Variants in POLR3G observed in about 807,000 individuals in gnomAD.
POLR3G encodes the protein RNA polymerase III subunit G.
Under a neutral mutation model 30.1 loss-of-function variants are expected in POLR3G, and 28 were observed. The observed-to-expected ratio is 0.93, with a 90% confidence interval of 0.69 to 1.27. The LOEUF (loss-of-function observed/expected upper bound fraction) is 1.27, where lower values mean the gene tolerates loss of function less well. POLR3G is among the 50% of genes most tolerant of loss of function. The probability of loss-of-function intolerance (pLI) is 0.00; values close to 1 mark genes in which losing one functional copy is unlikely to be tolerated. For missense variants in POLR3G, 254 were observed against 264.6 expected, an observed-to-expected ratio of 0.96 and a Z score of 0.28; for synonymous variants, 79 against 82.5, an observed-to-expected ratio of 0.96 and a Z score of 0.23.
intron 1 of POLR3G, among the ~76,000 whole-genome samples, chr5:90,482,379 G>C (rs1464310313): frequency 2.0e-5 from 3 of 152,202 alleles, no homozygotes; most frequent in South Asian, 2.1e-4. Context: ...TAACCTAACT[G>C]TGACTCCATC....
At chr5:90,474,401 G>A (rs1271179943), upstream of POLR3G, 12 of 1,028,452 alleles carry the variant, frequency 1.2e-5, no homozygotes, top group East Asian at 1.5e-4. Context: ...CTGCAGCCAG[G>A]GAGGAGGCGT....
At chr5:90,500,519 TATA>T (rs1385315212) in intron 5 of POLR3G, among the ~76,000 whole-genome samples, 6 of 152,184 alleles carry the variant, frequency 3.9e-5, no homozygotes, top group African/African-American at 1.4e-4. Context: ...GCATTAATAT[TATA>T]ATAATTTATT....
chr5:90,481,941 G>T (rs1344438953), intron 1 of POLR3G, among the ~76,000 whole-genome samples: 2 of 152,142 alleles, frequency 1.3e-5, no homozygotes, highest in Admixed American at 1.3e-4. Context: ...TATAGTTAAA[G>T]TACAATAGTC....
In POLR3G at chr5:90,485,625, G is replaced by A; in HGVS notation, c.58G>A (p.Gly20Arg). The A allele has an allele frequency of 6.2e-7, 1 of 1,613,906 alleles. No individual in the cohort carries two copies. The highest frequency in any genetic ancestry group is 1.3e-5 in the African/African-American group (1 of 74,974). Residue 20 changes from glycine (G) to arginine (R), a missense_variant, in exon 2 of 8, where the codon GGA (glycine) becomes AGA (arginine). Physicochemically the swap from Gly to Arg is moderately radical, Grantham distance 125. Transcript: ENST00000651687. The part of the protein sequence containing the change: ...AAYTFNIEAV[G>R]FSKGEKLPDV... ...TTATACCTTTAATATTGAGGCTGTT[G>A]GATTTAGCAAAGGTGAAAAGTTACC...
intron 6 of POLR3G, among the ~76,000 whole-genome samples, chr5:90,505,506 A>G (rs1752441174): frequency 6.6e-6 from 1 of 152,240 alleles, no homozygotes. Flanking sequence ...AATTTTGTGT[A>G]CTATTCCCTG....
At chr5:90,506,993 TC>T (rs1259134100) in intron 7 of POLR3G, among the ~76,000 whole-genome samples, 2 of 152,206 alleles carry the variant, frequency 1.3e-5, no homozygotes, top group African/African-American at 4.8e-5. Flanking sequence ...AAAATTTAAG[TC>T]AGCAATTCAG....
In POLR3G at chr5:90,512,637, CCTACCT is replaced by C. The variant is rs1305530371; in HGVS notation, c.*499_*504del. 6.5e-6 allele frequency: 1 copy of C among 152,704 alleles called. No homozygotes were observed. The highest frequency in any genetic ancestry group is 1.9e-4 in the East Asian group (1 of 5,198). 9.5% of individuals were successfully genotyped at this position (152,704 alleles called of 1,614,324 possible). On this transcript the variant is annotated 3_prime_UTR_variant, in exon 8 of 8. Transcript: ENST00000651687. Reference sequence around the variant, plus strand: ...GACTACTGCATTATGACTACATAAACCTACCTGAGCTCTTACAAGTACAGAATTGTG... The same window carrying C: ...GACTACTGCATTATGACTACATAAACGAGCTCTTACAAGTACAGAATTGTG...
intron 5 of POLR3G, among the ~76,000 whole-genome samples, chr5:90,499,441 C>T (rs1033512276): frequency 4.6e-5 from 7 of 152,200 alleles, no homozygotes; most frequent in African/African-American, 1.7e-4. Context: ...GGAAAATGTT[C>T]ACTCGTTTTT....
chr5:90,490,011 G>A (rs1004826707), intron 3 of POLR3G, among the ~76,000 whole-genome samples: 18 of 152,208 alleles, frequency 1.2e-4, no homozygotes, highest in Middle Eastern at 3.4e-3. Flanking sequence ...GGAAGCTGAA[G>A]CAGGAGAATT....
At chr5:90,493,925 G>A (rs1436806919) in intron 3 of POLR3G, among the ~76,000 whole-genome samples, 1 of 151,610 alleles carries the variant, frequency 6.6e-6, no homozygotes, top group African/African-American at 2.4e-5. Context: ...GGCCCGGCTG[G>A]TCTTGAACTC....
chr5:90,487,962 T>C (rs756811766), intron 2 of POLR3G, 38 bp from the exon 3 acceptor site: 13 of 1,491,002 alleles, frequency 8.7e-6, no homozygotes, highest in East Asian at 2.4e-5. Flanking sequence ...AAATACATAA[T>C]TGATTTGAAA....
chr5:90,479,362 A>T (rs1373372060), intron 1 of POLR3G, among the ~76,000 whole-genome samples: 1 of 151,998 alleles, frequency 6.6e-6, no homozygotes, highest in Non-Finnish European at 1.5e-5. Context: ...AATCCCAGCT[A>T]CTCTGGAGGC....
rs59127797 is a variant in POLR3G, at chr5:90,492,860, CAA to C, written c.248-2801_248-2800del. ...CTCCAGCCTGGGCAAGACTCCGCCT[CAA>C]AAAAAAAAAAAAAAAGTATGAGACA... is the stretch of plus-strand genomic sequence containing the variant. On this transcript the variant is annotated intron_variant, in intron 3 of 7. Transcript: ENST00000651687. Among the ~76,000 whole-genome samples, 167 of 128,218 alleles carry C rather than the reference CAA, an allele frequency of 1.3e-3. 1 individual carries two copies. The highest frequency in any genetic ancestry group is 1.2e-3 in the Admixed American group (15 of 12,294). 84.1% of individuals were successfully genotyped at this position (128,218 alleles called of 152,430 possible).
At chr5:90,508,298 C>T (rs1317000296) in intron 7 of POLR3G, among the ~76,000 whole-genome samples, 4 of 151,904 alleles carry the variant, frequency 2.6e-5, no homozygotes, top group South Asian at 4.1e-4. Flanking sequence ...TGTCCTCTGC[C>T]TTCAAACTCA....
intron 6 of POLR3G, among the ~76,000 whole-genome samples, chr5:90,502,813 T>TTC (rs934563355): frequency 6.6e-6 from 1 of 151,796 alleles, no homozygotes; most frequent in African/African-American, 2.4e-5. Flanking sequence ...TCTTTTTTTT[T>TTC]TTTTGGCTGC....
chr5:90,500,884 C>T (rs1480457257), intron 5 of POLR3G, among the ~76,000 whole-genome samples: 1 of 152,138 alleles, frequency 6.6e-6, no homozygotes, highest in Non-Finnish European at 1.5e-5. Context: ...TGGAAAAGAG[C>T]TGTAATACTC....
At chr5:90,474,321 G>A (rs1750656699), upstream of POLR3G, 6 of 1,600,552 alleles carry the variant, frequency 3.7e-6, no homozygotes, top group Admixed American at 1.7e-5. Flanking sequence ...CAGGCGGGGT[G>A]AGTGTGGGCG....
chr5:90,487,378 ATTTTTTTTTT>A (rs59951999), intron 2 of POLR3G, among the ~76,000 whole-genome samples: 5 of 57,018 alleles, frequency 8.8e-5, no homozygotes, highest in South Asian at 8.5e-4. Context: ...TGGTACATTA[ATTTTTTTTTT>A]TTTTTTTTTT....
intron 7 of POLR3G, among the ~76,000 whole-genome samples, chr5:90,510,930 G>A (rs812594): frequency 0.65 from 97,817 of 151,518 alleles, 32,019 homozygotes; most frequent in African/African-American, 0.72. Flanking sequence ...TCTTTTGAGA[G>A]TAGTCTGTAT....
Sources: allele counts gnomAD v4.1 joint callset (sites outside exome capture counted in the v4.1 genomes callset), GRCh38; gene constraint gnomAD v4.1.1; transcripts MANE v1.5; gene names NCBI Gene and HGNC (gene_info 2026-07-23, HGNC 2026-07-21).